Variants in TMEM129 observed in about 807,000 individuals in gnomAD.
TMEM129 encodes transmembrane protein 129, E3 ubiquitin ligase.
Under a neutral mutation model 34.1 loss-of-function variants are expected in TMEM129, and 35 were observed. That is an observed-to-expected ratio of 1.03 (90% CI 0.78 to 1.36). The LOEUF (loss-of-function observed/expected upper bound fraction) is 1.36, where lower values mean the gene tolerates loss of function less well. Ranked by LOEUF, TMEM129 falls within the 40% of genes most tolerant of loss-of-function variation. The pLI, the probability that TMEM129 is intolerant of heterozygous loss-of-function variation, is 0.00. For missense variants in TMEM129, 504 were observed against 512.6 expected, an observed-to-expected ratio of 0.98 and a Z score of 0.16; for synonymous variants, 239 against 217.3, an observed-to-expected ratio of 1.10 and a Z score of -0.88.
rs1560275900 is a variant in TMEM129 at position 1,717,669 on chromosome 4, G to A, written c.687C>T (p.Asn229=). 6.6e-7 allele frequency: 1 copy of A among 1,514,558 alleles called. No individual in the cohort carries two copies. Among genetic ancestry groups the A allele is most frequent in the Non-Finnish European group, 8.9e-7 (1 of 1,127,076 alleles). 93.8% of individuals were successfully genotyped at this position (1,514,558 alleles called of 1,614,324 possible). Residue 229 remains asparagine, a synonymous_variant, in exon 3 of 4, where the codon AAC becomes AAT. Coordinates refer to ENST00000382936, the MANE Select transcript of TMEM129 (RefSeq NM_001127266.2). ...CGCAGAGCTCCCCGTACTCAGTGGA[G>A]TTCAGCCTGCAGGGAGGAGAGCTGC... ...PAVQAFDIWL[N]STEYGELCEK... is the part of the protein sequence containing the mutation.
rs1172121808 is a variant in TMEM129 at position 1,717,989 on chromosome 4, TCA to T, written c.680+161_680+162del. The T allele has an allele frequency of 2.5e-5, 18 of 722,192 alleles. No homozygotes were observed. The South Asian group carries it at 3.4e-4, about 14-fold the overall frequency. The allele number at this position is 722,192 out of a possible 1,614,324, so 44.7% of individuals were successfully genotyped here. The stretch of plus-strand genomic sequence containing the variant: ...CCGAGGGAGGGCTATGCGGGAGGGC[TCA>T]GTGACTGGTGTCTTGTGGACACCTT... On this transcript the variant is annotated intron_variant, in intron 2 of 3. Coordinates refer to ENST00000382936, the MANE Select transcript of TMEM129 (RefSeq NM_001127266.2).
At position 1,720,137 on chromosome 4, in the gene TMEM129, C is replaced by T. The variant is rs561553618; in HGVS notation, c.205+496G>A. On this transcript the variant is annotated intron_variant, in intron 1 of 3. Coordinates refer to ENST00000382936, the MANE Select transcript of TMEM129 (RefSeq NM_001127266.2). The surrounding 1 kb of genome is among the most constrained non-coding windows in gnomAD (Gnocchi z 4.4). ...CCCCTGGACAACTCTGAGCGTCCCACCTGCACTGCACAGAGGCCCTCCCCA... is the reference window on the plus strand; with the variant it reads ...CCCCTGGACAACTCTGAGCGTCCCATCTGCACTGCACAGAGGCCCTCCCCA... Among the ~76,000 whole-genome samples, 1 of 152,314 alleles carries T rather than the reference C, an allele frequency of 6.6e-6. No homozygotes were observed. The highest frequency in any genetic ancestry group is 2.1e-4 in the South Asian group (1 of 4,828).
At chr4:1,719,417 G>A (rs1233305917) in intron 1 of TMEM129, among the ~76,000 whole-genome samples, 9 of 152,258 alleles carry the variant, frequency 5.9e-5, no homozygotes, top group Non-Finnish European at 1.5e-5. Context: ...CGGGCGTGGT[G>A]GCGGGCGCCT....
chr4:1,718,006 G>A (rs1333518838), intron 2 of TMEM129, 146 bp downstream of exon 2: 6 of 783,198 alleles, frequency 7.7e-6, no homozygotes, highest in Non-Finnish European at 1.2e-5. Context: ...CTGGTGTCTT[G>A]TGGACACCTT....
rs1056318149 is a variant in TMEM129, at chr4:1,718,514, G to A, written c.318C>T (p.Ile106=). Residue 106 remains isoleucine (I), a synonymous_variant, in exon 2 of 4, where the codon ATC becomes ATT. Transcript: ENST00000382936. ...FLLLAVTLPS[I]ACILIYYWSR... ...ACCAGTAGTAGATCAGGATGCAGGC[G>A]ATGGAGGGGAGGGTCACGGCCAGCA... is the stretch of plus-strand genomic sequence containing the variant. 16 of 1,531,356 alleles carry A rather than the reference G, an allele frequency of 1.0e-5. No homozygotes were observed. Among genetic ancestry groups the A allele is most frequent in the East Asian group, 2.5e-5 (1 of 40,582 alleles). 94.9% of individuals were successfully genotyped at this position (1,531,356 alleles called of 1,614,324 possible). A position where few individuals can be genotyped will look rare whatever the true frequency, so the allele number is the denominator to read the frequency against.
chr4:1,718,081 G>A (rs192611930), intron 2 of TMEM129, 71 bp downstream of exon 2: 23 of 1,379,048 alleles, frequency 1.7e-5, no homozygotes, highest in Non-Finnish European at 1.8e-5. Context: ...ACCTCCCAGG[G>A]GTCGTGGCAC....
rs1717075147 is a variant in TMEM129, at chr4:1,718,226, G to A, written c.606C>T (p.Asp202=). Residue 202 remains aspartate (D), a synonymous_variant, in exon 2 of 4, where the codon GAC becomes GAT. Coordinates refer to ENST00000382936, the MANE Select transcript of TMEM129 (RefSeq NM_001127266.2). The part of the protein sequence containing the change: ...TESRQHELSP[D]SNLPVQLLTI... ...TGAGGAGCTGCACGGGCAAGTTCGAGTCTGGCGAGAGCTCATGCTGCCGAG... is the reference window on the plus strand; with the variant it reads ...TGAGGAGCTGCACGGGCAAGTTCGAATCTGGCGAGAGCTCATGCTGCCGAG... 3 of 1,602,048 alleles carry A rather than the reference G, an allele frequency of 1.9e-6. No individual in the cohort carries two copies. Among genetic ancestry groups the A allele is most frequent in the Non-Finnish European group, 1.7e-6 (2 of 1,174,370 alleles).
At chr4:1,719,260 T>C (rs1041558857) in intron 1 of TMEM129, 5 of 457,074 alleles carry the variant, frequency 1.1e-5, no homozygotes, top group Admixed American at 2.4e-5. Flanking sequence ...CATATAACAA[T>C]AGGTAACTAG....
At chr4:1,718,019 C>G in intron 2 of TMEM129, 133 bp downstream of exon 2, 3 of 856,266 alleles carry the variant, frequency 3.5e-6, no homozygotes, top group Non-Finnish European at 5.3e-6. Context: ...GACACCTTGC[C>G]TGGTGTCACA....
Position 1,717,169 on chromosome 4 carries a change from C to T in TMEM129, c.*11G>A, listed in dbSNP as rs1172219700. ...GGGGAGACACAGAGTCACCTCAAGG[C>T]CCCAGCCCACTCAGCGCACGGTGCA... On this transcript the variant is annotated 3_prime_UTR_variant, in exon 4 of 4. Transcript: ENST00000382936. 2.1e-6 allele frequency: 3 copies of T among 1,437,324 alleles called. No individual in the cohort carries two copies. The highest frequency in any genetic ancestry group is 2.5e-5 in the Admixed American group (1 of 39,792). 89.0% of individuals were successfully genotyped at this position (1,437,324 alleles called of 1,614,324 possible).
At position 1,718,413 on chromosome 4, in the gene TMEM129, G is replaced by C. The variant is rs781251571; in HGVS notation, c.419C>G (p.Ala140Gly). The C allele has an allele frequency of 6.2e-6, 10 of 1,602,062 alleles. No individual in the cohort carries two copies. Among genetic ancestry groups the C allele is most frequent in the Non-Finnish European group, 8.5e-6 (10 of 1,174,340 alleles). ...CTCAGTGTTGACAGAGGAGGCAACAGCCTGCCAGCCAGACTGTGGGAGGGC... is the reference window on the plus strand; with the variant it reads ...CTCAGTGTTGACAGAGGAGGCAACACCCTGCCAGCCAGACTGTGGGAGGGC... Reference protein sequence around the residue: ...LYALPQSGWQAVASSVNTEFR... With the variant: ...LYALPQSGWQGVASSVNTEFR... The change falls in exon 2 of 4, where the codon GCT becomes GGT. Residue 140 changes from alanine (A) to glycine (G), a missense_variant. Coordinates refer to ENST00000382936, the MANE Select transcript of TMEM129 (RefSeq NM_001127266.2).
chr4:1,718,561 C>T lies in TMEM129; in HGVS notation c.271G>A (p.Glu91Lys). 1.3e-6 allele frequency: 2 copies of T among 1,490,910 alleles called. No individual in the cohort carries two copies. Among genetic ancestry groups the T allele is most frequent in the South Asian group, 1.3e-5 (1 of 74,340 alleles). The allele number at this position is 1,490,910 out of a possible 1,614,324, so 92.4% of individuals were successfully genotyped here. The change falls in exon 2 of 4, where the codon GAG (glutamate) becomes AAG (lysine). Residue 91 changes from glutamate to lysine, a missense_variant. Transcript: ENST00000382936. ...AGCAGCAGGAAGAGCCGCCAGGCCT[C>T]AGGGGCCTGGCTGAGGGCGTGGAGC... Reference protein sequence around the residue: ...KRLHALSQAPEAWRLFLLLAV... With the variant: ...KRLHALSQAPKAWRLFLLLAV...
At chr4:1,719,526 AAAAAT>A (rs1323532815) in intron 1 of TMEM129, among the ~76,000 whole-genome samples, 2 of 152,232 alleles carry the variant, frequency 1.3e-5, no homozygotes, top group Non-Finnish European at 2.9e-5. Context: ...CTCAAAAAGT[AAAAAT>A]AAAAATAAAA....
Position 1,720,957 on chromosome 4 carries a change from TCTAGGACATGGA to T in TMEM129, c.-132_-121del, listed in dbSNP as rs1372665051. 8 of 663,800 alleles carry T rather than the reference TCTAGGACATGGA, an allele frequency of 1.2e-5. No homozygotes were observed. The highest frequency in any genetic ancestry group is 1.7e-5 in the Non-Finnish European group (8 of 462,160). 41.1% of individuals were successfully genotyped at this position (663,800 alleles called of 1,614,324 possible). A position where few individuals can be genotyped will look rare whatever the true frequency, so the allele number is the denominator to read the frequency against. On this transcript the variant is annotated 5_prime_UTR_variant, in exon 1 of 4. An upstream start codon of the reference 5' UTR is lost. Transcript: ENST00000382936. This position sits in a 1 kb window ranked among gnomAD's most constrained non-coding sequence, Gnocchi z 4.4. ...CGCCGCCCGGCCGCCCGCGGGGCAC[TCTAGGACATGGA>T]GTCCCGCCGCCCGGCCGCCCGCGGG... is the stretch of plus-strand genomic sequence containing the variant.
chr4:1,717,197 C>T lies in TMEM129; in HGVS notation c.1072G>A (p.Val358Met). 6.8e-7 allele frequency: 1 copy of T among 1,471,996 alleles called. No homozygotes were observed. The highest frequency in any genetic ancestry group is 2.5e-5 in the East Asian group (1 of 39,822). The allele number at this position is 1,471,996 out of a possible 1,614,324, so 91.2% of individuals were successfully genotyped here. Residue 358 changes from valine to methionine, a missense_variant, in exon 4 of 4, where the codon GTG (valine) becomes ATG (methionine). By Grantham distance (21) the Val-to-Met change is conservative. Transcript: ENST00000382936. Reference protein sequence around the residue: ...TCRARFCILDVCTVR With the variant: ...TCRARFCILDMCTVR ...CAGCCCACTCAGCGCACGGTGCACA[C>T]ATCCAGGATGCAGAAGCGTGCGCGG...
rs1686997804 is a variant in TMEM129, at chr4:1,717,622, C to T, written c.734G>A (p.Arg245His). ...GTGGATGACCACATGGGCTGCCCTG[C>T]GGATGGGTGCCCGGAGCTTCTCGCA... ...ELCEKLRAPI[R>H]RAAHVVIHQS... Residue 245 changes from arginine to histidine, a missense_variant, in exon 3 of 4, where the codon CGC (arginine) becomes CAC (histidine). By Grantham distance (29) the Arg-to-His change is conservative. Coordinates refer to ENST00000382936, the MANE Select transcript of TMEM129 (RefSeq NM_001127266.2). The T allele has an allele frequency of 1.3e-6, 2 of 1,547,984 alleles. No individual in the cohort carries two copies. Among genetic ancestry groups the T allele is most frequent in the African/African-American group, 1.4e-5 (1 of 72,974 alleles).
chr4:1,720,881 C>T lies in TMEM129; in HGVS notation c.-44G>A. The T allele has an allele frequency of 6.5e-7, 1 of 1,532,706 alleles. No individual in the cohort carries two copies. Among genetic ancestry groups the T allele is most frequent in the South Asian group, 1.2e-5 (1 of 82,440 alleles). 94.9% of individuals were successfully genotyped at this position (1,532,706 alleles called of 1,614,324 possible). On this transcript the variant is annotated 5_prime_UTR_variant, in exon 1 of 4. Coordinates refer to ENST00000382936, the MANE Select transcript of TMEM129 (RefSeq NM_001127266.2). This position sits in a 1 kb window ranked among gnomAD's most constrained non-coding sequence, Gnocchi z 4.4. Reference sequence around the variant, plus strand: ...CTGTCGAGCTAGGCCCCCGCCCCGGCGCGCGGACGAGGCCGCAGCGCCCAG... The same window carrying T: ...CTGTCGAGCTAGGCCCCCGCCCCGGTGCGCGGACGAGGCCGCAGCGCCCAG...
rs1273744853 is a variant in TMEM129 at position 1,717,294 on chromosome 4, C to G, written c.975G>C (p.Lys325Asn). Reference sequence around the variant, plus strand: ...GGGGGTCCTGGCGGCTGGCGAACCACTTGCCCATGCAGGTGAGGCACCACA... The same window carrying G: ...GGGGGTCCTGGCGGCTGGCGAACCAGTTGCCCATGCAGGTGAGGCACCACA... ...RPMWCLTCMGKWFASRQDPLR... is the reference protein window; with the variant it reads ...RPMWCLTCMGNWFASRQDPLR... The change falls in exon 4 of 4, where the codon AAG becomes AAC. Residue 325 changes from lysine to asparagine, a missense_variant. By Grantham distance (94) the Lys-to-Asn change is moderately conservative (BLOSUM62 0). Transcript: ENST00000382936. The G allele has an allele frequency of 6.5e-7, 1 of 1,533,688 alleles. No homozygotes were observed. Among genetic ancestry groups the G allele is most frequent in the East Asian group, 2.5e-5 (1 of 40,446 alleles).
At chr4:1,719,973 C>T (rs745310057) in intron 1 of TMEM129, among the ~76,000 whole-genome samples, 5 of 152,136 alleles carry the variant, frequency 3.3e-5, no homozygotes, top group Non-Finnish European at 7.4e-5. Context: ...CTGCGTCTGC[C>T]CCCGTGTCCT....
Sources: gnomAD v4.1 joint callset for allele counts (sites outside exome capture counted in the v4.1 genomes callset) on GRCh38, gnomAD v4.1.1 for gene constraint, Gnocchi (gnomAD v3.1) non-coding constraint, MANE v1.5 for transcripts, NCBI Gene and HGNC (gene_info 2026-07-23, HGNC 2026-07-21) for gene names.